LAMTOR1: variants seen among roughly 807,000 people sequenced by gnomAD.
LAMTOR1 encodes ragulator complex protein LAMTOR1.
Under a neutral mutation model 20.5 loss-of-function variants are expected in LAMTOR1, and 8 were observed. The observed-to-expected ratio is 0.39, with a 90% confidence interval of 0.23 to 0.70. LAMTOR1 has a LOEUF of 0.70. Ranked by LOEUF, LAMTOR1 falls within the 30% of genes least tolerant of loss-of-function variation. The probability of loss-of-function intolerance (pLI) is 0.43; values close to 1 mark genes in which losing one functional copy is unlikely to be tolerated. For synonymous variants in LAMTOR1, 77 were observed against 80.9 expected (o/e 0.95, Z 0.26); for missense variants, 135 against 206.2 (o/e 0.65, Z 2.11).
rs368523058 is a variant in LAMTOR1 at position 72,099,270 on chromosome 11, T to C, written c.43-14A>G. The C allele has an allele frequency of 1.4e-4, 223 of 1,539,080 alleles. 4 individuals carry two copies. Among genetic ancestry groups the C allele is most frequent in the Admixed American group, 5.9e-5 (3 of 50,914 alleles). ...CTCCTCTCGGTCCTAGAAGTGGTCA[T>C]GGGAGAGAAGTCAGCCCCAGGACCC... On this transcript the variant is annotated splice_polypyrimidine_tract_variant and intron_variant, in intron 1 of 4. Coordinates refer to ENST00000278671, the MANE Select transcript of LAMTOR1 (RefSeq NM_017907.3).
chr11:72,103,042 T>G (rs941446256), intron 1 of LAMTOR1, 141 bp downstream of exon 1: 3 of 1,135,656 alleles, frequency 2.6e-6, no homozygotes, highest in Admixed American at 2.1e-5. Context: ...GCTTGGCGTC[T>G]CCTCTGTAAT....
At chr11:72,100,016 A>G (rs1352207266) in intron 1 of LAMTOR1, among the ~76,000 whole-genome samples, 1 of 152,104 alleles carries the variant, frequency 6.6e-6, no homozygotes, top group African/African-American at 2.4e-5. Flanking sequence ...TAATCCCAAC[A>G]CTTTGGGAGC....
chr11:72,098,087 T>C, intron 4 of LAMTOR1, 173 bp from the exon 5 acceptor site: 1 of 1,017,222 alleles, frequency 9.8e-7, no homozygotes, highest in Non-Finnish European at 1.4e-6. Context: ...CAAAGGGGAG[T>C]GAAACAATAA....
chr11:72,102,284 A>G (rs992403506), intron 1 of LAMTOR1, among the ~76,000 whole-genome samples: 6 of 152,242 alleles, frequency 3.9e-5, no homozygotes, highest in Non-Finnish European at 7.3e-5. Context: ...AGAGACGATC[A>G]AAAAAGGAGA....
intron 1 of LAMTOR1, among the ~76,000 whole-genome samples, chr11:72,100,052 C>T (rs1257354176): frequency 6.6e-6 from 1 of 151,916 alleles, no homozygotes; most frequent in Admixed American, 6.6e-5. Context: ...TGCTTGAGTC[C>T]AGGAGTTTGA....
At chr11:72,099,051 A>G (rs1336781777) in intron 2 of LAMTOR1, 60 bp downstream of exon 2, 5 of 1,598,842 alleles carry the variant, frequency 3.1e-6, no homozygotes, top group Admixed American at 3.4e-5. Context: ...GGCTCCTTCT[A>G]TCCTAGCCTT....
At chr11:72,098,631 A>G in intron 3 of LAMTOR1, 150 bp downstream of exon 3, 1 of 784,208 alleles carries the variant, frequency 1.3e-6, no homozygotes, top group Non-Finnish European at 2.0e-6. Context: ...TGACATGAAT[A>G]ACTACTGAAG....
chr11:72,102,249 A>G (rs1945469910), intron 1 of LAMTOR1, among the ~76,000 whole-genome samples: 1 of 152,252 alleles, frequency 6.6e-6, no homozygotes, highest in Non-Finnish European at 1.5e-5. Flanking sequence ...GGTCTACTAT[A>G]TGTTCAAATG....
intron 1 of LAMTOR1, among the ~76,000 whole-genome samples, chr11:72,099,989 A>G (rs991209457): frequency 6.6e-6 from 1 of 152,140 alleles, no homozygotes; most frequent in African/African-American, 2.4e-5. Flanking sequence ...GTAGCCATGT[A>G]TGGTGATTCA....
Position 72,097,559 on chromosome 11 carries a change from T to C in LAMTOR1, c.*263A>G. ...CCCACCCAAACTGGTATCTCCACATTCTCAATGACTATGAAGACATACCAG... is the reference window on the plus strand; with the variant it reads ...CCCACCCAAACTGGTATCTCCACATCCTCAATGACTATGAAGACATACCAG... On this transcript the variant is annotated 3_prime_UTR_variant, in exon 5 of 5. Coordinates refer to ENST00000278671, the MANE Select transcript of LAMTOR1 (RefSeq NM_017907.3). The C allele has an allele frequency of 8.0e-7, 1 of 1,256,104 alleles. No homozygotes were observed. Among genetic ancestry groups the C allele is most frequent in the Non-Finnish European group, 1.0e-6 (1 of 991,290 alleles). The allele number at this position is 1,256,104 out of a possible 1,614,324, so 77.8% of individuals were successfully genotyped here. A position where few individuals can be genotyped will look rare whatever the true frequency, so the allele number is the denominator to read the frequency against.
chr11:72,101,697 C>T (rs1945445980), intron 1 of LAMTOR1, among the ~76,000 whole-genome samples: 2 of 152,056 alleles, frequency 1.3e-5, no homozygotes, highest in South Asian at 4.1e-4. Flanking sequence ...TGGTTATGGC[C>T]CTTGCTACAT....
In LAMTOR1 at chr11:72,098,521, G is replaced by A. The variant is rs1945319557; in HGVS notation, c.267-106C>T. ...GGCCAGAGAAGCAGGGTGTCGAGGA[G>A]GGGTATCTGGGAGGGAAGGTCTCAG... On this transcript the variant is annotated intron_variant, in intron 3 of 4. Transcript: ENST00000278671. 5 of 1,362,492 alleles carry A rather than the reference G, an allele frequency of 3.7e-6. No individual in the cohort carries two copies. The Admixed American group carries it at 6.8e-5, about 18-fold the overall frequency. 84.4% of individuals were successfully genotyped at this position (1,362,492 alleles called of 1,614,324 possible).
rs771243780 is a variant in LAMTOR1, at chr11:72,098,361, C to T, written c.321G>A (p.Pro107=). The change falls in exon 4 of 5, where the codon CCG becomes CCA. Residue 107 remains proline (P), a synonymous_variant. Coordinates refer to ENST00000278671, the MANE Select transcript of LAMTOR1 (RefSeq NM_017907.3). Reference sequence around the variant, plus strand: ...GGGGCTGGCTGGTAAGAGACGGCAGCGGTGGCAGCTTCTTCCAATGGGTCA... The same window carrying T: ...GGGGCTGGCTGGTAAGAGACGGCAGTGGTGGCAGCTTCTTCCAATGGGTCA... ...SSLTHWKKLP[P]LPSLTSQPHQ... 14 of 1,612,492 alleles carry T rather than the reference C, an allele frequency of 8.7e-6. No individual in the cohort carries two copies. The Admixed American group carries it at 1.2e-4, about 14-fold the overall frequency.
chr11:72,098,956 G>T, intron 2 of LAMTOR1, 98 bp from the exon 3 acceptor site: 1 of 1,352,480 alleles, frequency 7.4e-7, no homozygotes, highest in Non-Finnish European at 1.0e-6. Flanking sequence ...TCTGACACCA[G>T]TTTCCCTCCT....
rs1171444457 is a variant in LAMTOR1 at position 72,103,197 on chromosome 11, C to T, written c.28G>A (p.Glu10Lys). The T allele has an allele frequency of 1.9e-6, 3 of 1,584,148 alleles. No individual in the cohort carries two copies. Among genetic ancestry groups the T allele is most frequent in the South Asian group, 1.2e-5 (1 of 86,652 alleles). Residue 10 changes from glutamate (E) to lysine (K), a missense_variant, in exon 1 of 5, where the codon GAG becomes AAG. Physicochemically the swap from Glu to Lys is moderately conservative, Grantham distance 56. Coordinates refer to ENST00000278671, the MANE Select transcript of LAMTOR1 (RefSeq NM_017907.3). ...CGCGGCCGCACCTGGTCCGAGTCCT[C>T]GTTCTCGCTGCTGTAGCAGCACCCC... is the stretch of plus-strand genomic sequence containing the variant. MGCCYSSEN[E>K]DSDQDREERK...
rs1237755153 is a variant in LAMTOR1 at position 72,098,363 on chromosome 11, G to A, written c.319C>T (p.Pro107Ser). 5 of 1,612,708 alleles carry A rather than the reference G, an allele frequency of 3.1e-6. No homozygotes were observed. The highest frequency in any genetic ancestry group is 4.2e-6 in the Non-Finnish European group (5 of 1,179,640). The change falls in exon 4 of 5, where the codon CCG (proline) becomes TCG (serine). Residue 107 changes from proline to serine, a missense_variant. By Grantham distance (74) the Pro-to-Ser change is moderately conservative. Transcript: ENST00000278671. The stretch of plus-strand genomic sequence containing the variant: ...GGCTGGCTGGTAAGAGACGGCAGCG[G>A]TGGCAGCTTCTTCCAATGGGTCAGG... Reference protein sequence around the residue: ...SSLTHWKKLPPLPSLTSQPHQ... With the variant: ...SSLTHWKKLPSLPSLTSQPHQ...
chr11:72,102,214 T>C (rs1394637606), intron 1 of LAMTOR1, among the ~76,000 whole-genome samples: 1 of 152,244 alleles, frequency 6.6e-6, no homozygotes, highest in East Asian at 1.9e-4. Flanking sequence ...GACCGTGAGC[T>C]ACCTGAAACC....
intron 1 of LAMTOR1, among the ~76,000 whole-genome samples, chr11:72,102,911 GAA>G (rs1318535049): frequency 6.6e-6 from 1 of 152,246 alleles, no homozygotes; most frequent in Non-Finnish European, 1.5e-5. Context: ...CCTTGAATCT[GAA>G]AAGTTTTGAA....
At chr11:72,102,363 G>A (rs1245940539) in intron 1 of LAMTOR1, among the ~76,000 whole-genome samples, 1 of 152,192 alleles carries the variant, frequency 6.6e-6, no homozygotes, top group Admixed American at 6.5e-5. Context: ...AGTGTGGGGA[G>A]AAGTGAGAAT....
Sources: allele counts gnomAD v4.1 joint callset (sites outside exome capture counted in the v4.1 genomes callset), GRCh38; gene constraint gnomAD v4.1.1; transcripts MANE v1.5; gene names NCBI Gene and HGNC (gene_info 2026-07-23, HGNC 2026-07-21).